Variants in STAG1 observed in about 807,000 individuals in gnomAD.
STAG1 encodes cohesin subunit SA-1.
In STAG1, 26 loss-of-function variants were observed where a neutral mutation model predicts 170.9. The ratio of observed to expected loss-of-function variants is 0.15; its 90% CI spans 0.11 to 0.21. The LOEUF (loss-of-function observed/expected upper bound fraction) is 0.21. Ranked by LOEUF, STAG1 falls within the 10% of genes least tolerant of loss-of-function variation. STAG1 has a pLI of 1.00. For missense variants in STAG1, 964 were observed against 1,509.5 expected, an observed-to-expected ratio of 0.64 and a Z score of 5.99; for synonymous variants, 514 against 497.7, an observed-to-expected ratio of 1.03 and a Z score of -0.44.
intron 9 of STAG1, among the ~76,000 whole-genome samples, chr3:136,494,710 T>A (rs1241748919): frequency 2.0e-5 from 3 of 151,592 alleles, no homozygotes; most frequent in Non-Finnish European, 2.9e-5. Context: ...ACAGAAAAAA[T>A]AAAGAAATAC....
At chr3:136,447,749 C>A (rs551451591) in intron 14 of STAG1, among the ~76,000 whole-genome samples, 1 of 151,890 alleles carries the variant, frequency 6.6e-6, no homozygotes, top group Non-Finnish European at 1.5e-5. Flanking sequence ...TCCAGAGTAG[C>A]TGGGACTACA....
At chr3:136,361,956 TTTTC>T (rs1936879876) in intron 26 of STAG1, among the ~76,000 whole-genome samples, 2 of 151,656 alleles carry the variant, frequency 1.3e-5, no homozygotes, top group Admixed American at 1.3e-4. Context: ...TTAATGCTTC[TTTTC>T]TTTCTTTTTT....
At position 136,343,988 on chromosome 3, in the gene STAG1, G is replaced by A. The variant is rs1936112317; in HGVS notation, c.3290C>T (p.Thr1097Ile). 1 of 1,587,302 alleles carries A rather than the reference G, an allele frequency of 6.3e-7. No individual in the cohort carries two copies. Among genetic ancestry groups the A allele is most frequent in the Non-Finnish European group, 8.5e-7 (1 of 1,170,448 alleles). ...KRVEDESLDN[T>I]WLNRTDTMIQ... ...CATGGTGTCAGTCCTGTTTAGCCAT[G>A]TGTTATCCAGACTCTCATCTGTAAA... The change falls in exon 30 of 34, where the codon ACA becomes ATA. Residue 1097 changes from threonine (T) to isoleucine (I), a missense_variant. This residue lies in a region of STAG1 where 122 missense variants were observed against 129.0 expected (regional missense o/e 0.95). Transcript: ENST00000383202.
chr3:136,634,794 A>C (rs1448221343), intron 1 of STAG1, among the ~76,000 whole-genome samples: 1 of 152,158 alleles, frequency 6.6e-6, no homozygotes, highest in East Asian at 1.9e-4. Flanking sequence ...GGAAAAGGTA[A>C]ACAAAATTGA....
chr3:136,473,287 A>T (rs886374311), intron 11 of STAG1, among the ~76,000 whole-genome samples: 1 of 152,122 alleles, frequency 6.6e-6, no homozygotes, highest in African/African-American at 2.4e-5. Context: ...TTACAATGTA[A>T]TAACAACAGA....
intron 1 of STAG1, among the ~76,000 whole-genome samples, chr3:136,640,418 G>T (rs1940747364): frequency 1.3e-5 from 2 of 151,046 alleles, no homozygotes; most frequent in African/African-American, 4.9e-5. Context: ...GCCCAGGCTG[G>T]AGTGCAATGG....
chr3:136,715,846 C>T (rs1943527029), intron 1 of STAG1, among the ~76,000 whole-genome samples: 1 of 151,532 alleles, frequency 6.6e-6, no homozygotes, highest in African/African-American at 2.4e-5. Context: ...GCCTGTAATC[C>T]CACCACTTTG....
intron 21 of STAG1, among the ~76,000 whole-genome samples, chr3:136,401,762 G>C (rs1219610610): frequency 3.3e-5 from 5 of 152,002 alleles, no homozygotes; most frequent in Admixed American, 3.3e-4. Flanking sequence ...ACCTAATATT[G>C]ATATTCCTTT....
chr3:136,380,159 G>A (rs1206338170), intron 22 of STAG1, among the ~76,000 whole-genome samples: 4 of 152,218 alleles, frequency 2.6e-5, no homozygotes, highest in Non-Finnish European at 5.9e-5. Flanking sequence ...ACAGAGCAAG[G>A]ATTCAAACGT....
intron 1 of STAG1, chr3:136,736,637 T>G (rs1260568698): frequency 6.2e-7 from 1 of 1,603,570 alleles, no homozygotes; most frequent in Admixed American, 1.7e-5. Context: ...TCTGCCACTC[T>G]CTTTCCCGTT....
intron 15 of STAG1, among the ~76,000 whole-genome samples, chr3:136,437,939 T>A (rs2088505815): frequency 6.6e-6 from 1 of 152,230 alleles, no homozygotes; most frequent in Non-Finnish European, 1.5e-5. Context: ...AAACAATGTT[T>A]ATGAAAGGGA....
chr3:136,498,621 T>C (rs72989429), intron 9 of STAG1, among the ~76,000 whole-genome samples: 4 of 151,854 alleles, frequency 2.6e-5, no homozygotes, highest in African/African-American at 9.7e-5. Context: ...GGTGTATATA[T>C]GTCAAAACTC....
At chr3:136,644,813 C>A (rs1021686296) in intron 1 of STAG1, among the ~76,000 whole-genome samples, 2 of 152,126 alleles carry the variant, frequency 1.3e-5, no homozygotes, top group Non-Finnish European at 2.9e-5. Context: ...CTCCCCTTCA[C>A]CGGCTCAAGC....
chr3:136,617,967 T>C lies in STAG1; in HGVS notation c.132+5179A>G, dbSNP rs185099901. The stretch of plus-strand genomic sequence containing the variant: ...TACCCTTCTGGTACTCATTAATCTT[T>C]TGTTGTGCATTCTCCATCTTCTATG... On this transcript the variant is annotated intron_variant, in intron 3 of 33. Coordinates refer to ENST00000383202, the MANE Select transcript of STAG1 (RefSeq NM_005862.3). Among the ~76,000 whole-genome samples the C allele has an allele frequency of 6.2e-3, 938 of 152,358 alleles. 7 individuals carry two copies. The highest frequency in any genetic ancestry group is 0.017 in the Middle Eastern group (5 of 294).
intron 23 of STAG1, among the ~76,000 whole-genome samples, chr3:136,372,503 ATTATT>A (rs1232746955): frequency 6.6e-6 from 1 of 152,134 alleles, no homozygotes; most frequent in Non-Finnish European, 1.5e-5. Context: ...GATAGCTCTT[ATTATT>A]TTGAGACACG....
chr3:136,378,990 C>G (rs906605627), intron 22 of STAG1, among the ~76,000 whole-genome samples: 2 of 152,188 alleles, frequency 1.3e-5, no homozygotes, highest in Non-Finnish European at 2.9e-5. Flanking sequence ...TTTTGGGGAT[C>G]TTTACATCCC....
intron 12 of STAG1, among the ~76,000 whole-genome samples, chr3:136,466,297 G>C (rs2089457536): frequency 6.6e-6 from 1 of 152,158 alleles, no homozygotes; most frequent in Non-Finnish European, 1.5e-5. Flanking sequence ...CCAGCGTAGA[G>C]AAGTCCTTAA....
At chr3:136,448,304 A>G (rs1232030957) in intron 14 of STAG1, among the ~76,000 whole-genome samples, 1 of 152,236 alleles carries the variant, frequency 6.6e-6, no homozygotes, top group African/African-American at 2.4e-5. Context: ...TAATAAAGAC[A>G]TATCAGAGAC....
chr3:136,521,915 AC>A (rs1217098166), intron 6 of STAG1, among the ~76,000 whole-genome samples: 1 of 152,206 alleles, frequency 6.6e-6, no homozygotes, highest in African/African-American at 2.4e-5. Flanking sequence ...CTAAATTCCA[AC>A]CAAATTTCCT....
Sources: gnomAD v4.1 joint callset for allele counts (sites outside exome capture counted in the v4.1 genomes callset) on GRCh38, gnomAD v4.1.1 for gene constraint, gnomAD v4.1.1 regional missense constraint, MANE v1.5 for transcripts, NCBI Gene and HGNC (gene_info 2026-07-23, HGNC 2026-07-21) for gene names.